The following PLA2G12B variants were observed in gnomAD, a reference collection of about 807,000 sequenced individuals.
The protein encoded by PLA2G12B is group XIIB secretory phospholipase A2-like protein.
A neutral mutation model predicts 22.3 loss-of-function variants in PLA2G12B; 19 were observed. That is an observed-to-expected ratio of 0.85 (90% confidence interval 0.60 to 1.25). The LOEUF (loss-of-function observed/expected upper bound fraction) is 1.25. Among genes scored for constraint, PLA2G12B ranks in the 50% most tolerant of loss-of-function variants. PLA2G12B has a pLI of 0.00. For synonymous variants in PLA2G12B, 81 were observed against 94.9 expected, an observed-to-expected ratio of 0.85 and a Z score of 0.85; for missense variants, 191 against 246.6, an observed-to-expected ratio of 0.77 and a Z score of 1.51.
Position 72,942,718 on chromosome 10 carries a change from A to G in PLA2G12B, c.234T>C (p.Pro78=). 1.2e-6 allele frequency: 2 copies of G among 1,605,462 alleles called. No homozygotes were observed. The highest frequency in any genetic ancestry group is 1.7e-6 in the Non-Finnish European group (2 of 1,175,724). Residue 78 remains proline (P), a synonymous_variant, in exon 2 of 4, where the codon CCT becomes CCC. Coordinates refer to ENST00000373032, the MANE Select transcript of PLA2G12B (RefSeq NM_032562.5). ...CATTGGGCTCTTGGGGCTTGTAGCC[A>G]GGTCTGGGCATTGGTGCCTTTCCTT... The part of the protein sequence containing the change: ...CRYGKAPMPR[P]GYKPQEPNGC...
intron 3 of PLA2G12B, among the ~76,000 whole-genome samples, chr10:72,940,218 C>T (rs1270435754): frequency 6.6e-6 from 1 of 152,164 alleles, no homozygotes; most frequent in Admixed American, 6.5e-5. Context: ...CTACTGCAGA[C>T]ACTCTCTGTG....
chr10:72,948,315 T>C (rs1376465512), intron 1 of PLA2G12B, among the ~76,000 whole-genome samples: 1 of 152,236 alleles, frequency 6.6e-6, no homozygotes, highest in Non-Finnish European at 1.5e-5. Flanking sequence ...GTTTGAAAGA[T>C]ACCGGAATGG....
intron 3 of PLA2G12B, among the ~76,000 whole-genome samples, chr10:72,936,104 G>T (rs1271966209): frequency 1.3e-5 from 2 of 151,730 alleles, no homozygotes; most frequent in Non-Finnish European, 2.9e-5. Context: ...ACCGAATCTC[G>T]CCTATAGCTT....
intron 1 of PLA2G12B, among the ~76,000 whole-genome samples, chr10:72,949,752 G>A (rs1305498631): frequency 6.6e-6 from 1 of 152,134 alleles, no homozygotes; most frequent in Non-Finnish European, 1.5e-5. Flanking sequence ...CCCAGCAGGG[G>A]GATCACCTGA....
At chr10:72,939,094 T>C (rs1846320598) in intron 3 of PLA2G12B, among the ~76,000 whole-genome samples, 1 of 152,182 alleles carries the variant, frequency 6.6e-6, no homozygotes, top group Non-Finnish European at 1.5e-5. Flanking sequence ...AGGGGGAGTT[T>C]GGGGAGAGAC....
intron 3 of PLA2G12B, among the ~76,000 whole-genome samples, chr10:72,936,060 G>A (rs970051346): frequency 6.6e-6 from 1 of 152,080 alleles, no homozygotes; most frequent in Non-Finnish European, 1.5e-5. Flanking sequence ...GTTTCCCATA[G>A]CTTTCCCATC....
intron 1 of PLA2G12B, among the ~76,000 whole-genome samples, chr10:72,948,684 T>C (rs1435364261): frequency 6.6e-6 from 1 of 152,240 alleles, no homozygotes; most frequent in Non-Finnish European, 1.5e-5. Flanking sequence ...CACACTATTA[T>C]GATTTAGCTA....
At chr10:72,940,382 G>A (rs966624729) in intron 3 of PLA2G12B, among the ~76,000 whole-genome samples, 2 of 152,038 alleles carry the variant, frequency 1.3e-5, no homozygotes, top group African/African-American at 2.4e-5. Flanking sequence ...TTATAGAGTC[G>A]GTGCTAGAAT....
intron 1 of PLA2G12B, among the ~76,000 whole-genome samples, chr10:72,942,990 G>A (rs1236477820): frequency 6.7e-6 from 1 of 149,318 alleles, no homozygotes; most frequent in African/African-American, 2.5e-5. Flanking sequence ...TTTTGAGACA[G>A]GGTCCCTCTC....
At chr10:72,941,428 G>A (rs1041868542) in intron 2 of PLA2G12B, 94 bp from the exon 3 acceptor site, 11 of 1,261,616 alleles carry the variant, frequency 8.7e-6, no homozygotes, top group Non-Finnish European at 1.2e-5. Flanking sequence ...TTATTAACTA[G>A]CTGGTTCTCA....
At chr10:72,936,605 G>A (rs2132959564) in intron 3 of PLA2G12B, among the ~76,000 whole-genome samples, 1 of 152,286 alleles carries the variant, frequency 6.6e-6, no homozygotes, top group African/African-American at 2.4e-5. Flanking sequence ...TGGGGTAGGG[G>A]AGGTAATGAG....
Position 72,954,604 on chromosome 10 carries a change from C to G in PLA2G12B, c.82G>C (p.Glu28Gln). 6.2e-7 allele frequency: 1 copy of G among 1,614,216 alleles called. No homozygotes were observed. The highest frequency in any genetic ancestry group is 8.5e-7 in the Non-Finnish European group (1 of 1,180,052). ...AGGCCCCAGTCTGAATAGGACTCCT[C>G]CGTGTCAGGGCTCGTGTCGCTCTGA... is the stretch of plus-strand genomic sequence containing the variant. The part of the protein sequence containing the change: ...LAQSDTSPDT[E>Q]ESYSDWGLRH... The change falls in exon 1 of 4, where the codon GAG becomes CAG. Residue 28 changes from glutamate (E) to glutamine (Q), a missense_variant. Transcript: ENST00000373032.
intron 2 of PLA2G12B, 107 bp downstream of exon 2, chr10:72,942,545 G>T: frequency 4.6e-6 from 4 of 866,992 alleles, no homozygotes; most frequent in South Asian, 4.1e-5. Flanking sequence ...ATACTTAATT[G>T]TATTCTTCAA....
chr10:72,944,813 GCT>G (rs1191583355), intron 1 of PLA2G12B, among the ~76,000 whole-genome samples: 1 of 152,166 alleles, frequency 6.6e-6, no homozygotes, highest in Non-Finnish European at 1.5e-5. Context: ...TGTAGCCCTG[GCT>G]CTCATGGTCT....
intron 2 of PLA2G12B, 104 bp from the exon 3 acceptor site, chr10:72,941,438 A>C: frequency 1.8e-5 from 21 of 1,156,486 alleles, no homozygotes; most frequent in Non-Finnish European, 2.2e-5. Context: ...GCTGGTTCTC[A>C]CATTTCTGTT....
At chr10:72,948,995 G>T (rs898269531) in intron 1 of PLA2G12B, among the ~76,000 whole-genome samples, 30 of 152,158 alleles carry the variant, frequency 2.0e-4, no homozygotes, top group African/African-American at 7.0e-4. Flanking sequence ...AACTTTCAGG[G>T]CTTTGTGTCC....
At chr10:72,943,406 C>T (rs1281226902) in intron 1 of PLA2G12B, among the ~76,000 whole-genome samples, 4 of 152,142 alleles carry the variant, frequency 2.6e-5, no homozygotes, top group Non-Finnish European at 5.9e-5. Flanking sequence ...AAGCAGAACA[C>T]AACTTGATCG....
chr10:72,948,048 G>C (rs928544610), intron 1 of PLA2G12B, among the ~76,000 whole-genome samples: 3 of 152,086 alleles, frequency 2.0e-5, no homozygotes, highest in African/African-American at 4.8e-5. Context: ...CTAATTTTTT[G>C]TGTTTTTAGT....
chr10:72,952,192 AC>A (rs1447987947), intron 1 of PLA2G12B, among the ~76,000 whole-genome samples: 1 of 152,220 alleles, frequency 6.6e-6, no homozygotes, highest in Non-Finnish European at 1.5e-5. Flanking sequence ...AGTAGTTAGT[AC>A]CTATCAAAGG....
Sources: allele counts gnomAD v4.1 joint callset (sites outside exome capture counted in the v4.1 genomes callset), GRCh38; gene constraint gnomAD v4.1.1; transcripts MANE v1.5; gene names NCBI Gene and HGNC (gene_info 2026-07-23, HGNC 2026-07-21).